The following UGT1A3 variants were observed in gnomAD, a reference collection of about 807,000 sequenced individuals.
UGT1A3 encodes UDP-glucuronosyltransferase 1A3.
UGT1A3 carries 31 observed loss-of-function variants against 41.0 expected under a neutral mutation model. That is an observed-to-expected ratio of 0.76 (90% CI 0.57 to 1.02). The LOEUF is 1.02. Ranked by LOEUF, UGT1A3 falls within the 50% of genes least tolerant of loss-of-function variation. The pLI, the probability that UGT1A3 is intolerant of heterozygous loss-of-function variation, is 0.00. For missense variants in UGT1A3, 737 were observed against 671.0 expected, an observed-to-expected ratio of 1.10 and a Z score of -1.09; for synonymous variants, 262 against 257.6, an observed-to-expected ratio of 1.02 and a Z score of -0.17.
At chr2:233,761,667 C>T (rs1186419843) in intron 1 of UGT1A3, among the ~76,000 whole-genome samples, 1 of 152,258 alleles carries the variant, frequency 6.6e-6, no homozygotes, top group African/African-American at 2.4e-5. Flanking sequence ...AATCACCAGA[C>T]AGTCAGGTTC....
At position 233,731,965 on chromosome 2, in the gene UGT1A3, A is replaced by T. The variant is rs1487707523; in HGVS notation, c.867+1972A>T. ...ACATCTGTTGTTTCCTGACTTTTTA[A>T]TGGTCACCATTCTAACTGGCGTGAG... On this transcript the variant is annotated intron_variant, in intron 1 of 4. Coordinates refer to ENST00000482026, the MANE Select transcript of UGT1A3 (RefSeq NM_019093.4). 2.6e-5 allele frequency among the ~76,000 whole-genome samples: 4 copies of T among 152,240 alleles called. No individual in the cohort carries two copies. The East Asian group carries it at 7.7e-4, about 29-fold the overall frequency.
chr2:233,735,651 G>A (rs1291646517), intron 1 of UGT1A3, among the ~76,000 whole-genome samples: 3 of 152,276 alleles, frequency 2.0e-5, no homozygotes, highest in Admixed American at 6.5e-5. Context: ...GCTGGTACTG[G>A]TGTTTCTTTC....
chr2:233,761,370 T>C (rs1346260530), intron 1 of UGT1A3, among the ~76,000 whole-genome samples: 1 of 152,186 alleles, frequency 6.6e-6, no homozygotes, highest in Non-Finnish European at 1.5e-5. Flanking sequence ...TCCTTGGACA[T>C]TTTACTCTGT....
intron 1 of UGT1A3, among the ~76,000 whole-genome samples, chr2:233,762,910 G>A (rs1185953158): frequency 1.3e-5 from 2 of 152,074 alleles, no homozygotes; most frequent in Non-Finnish European, 2.9e-5. Flanking sequence ...CAGGGCTATT[G>A]AATTTATTAG....
At chr2:233,749,855 C>G (rs1694286489) in intron 1 of UGT1A3, among the ~76,000 whole-genome samples, 1 of 151,986 alleles carries the variant, frequency 6.6e-6, no homozygotes, top group Non-Finnish European at 1.5e-5. Flanking sequence ...GCCTCTCTCT[C>G]ACTTTCTGCC....
rs190427553 is a variant in UGT1A3 at position 233,772,475 on chromosome 2, C to A, written c.1521C>A (p.Thr507=). 148 of 1,614,134 alleles carry A rather than the reference C, an allele frequency of 9.2e-5. No homozygotes were observed. Among genetic ancestry groups the A allele is most frequent in the Non-Finnish European group, 1.2e-4 (140 of 1,180,034 alleles). ...LAVVLTVAFI[T]FKCCAYGYRK... is the part of the protein sequence containing the mutation. ...TCGTGCTGACAGTGGCCTTCATCAC[C>A]TTTAAATGTTGTGCTTATGGCTACC... The change falls in exon 5 of 5, where the codon ACC becomes ACA. Residue 507 remains threonine, a synonymous_variant. Coordinates refer to ENST00000482026, the MANE Select transcript of UGT1A3 (RefSeq NM_019093.4).
intron 1 of UGT1A3, among the ~76,000 whole-genome samples, chr2:233,731,462 C>A (rs1354411631): frequency 6.6e-6 from 1 of 152,008 alleles, no homozygotes; most frequent in Non-Finnish European, 1.5e-5. Flanking sequence ...CAGGCCCTGG[C>A]GTGTGATGTT....
chr2:233,743,638 G>C (rs767583424), intron 1 of UGT1A3: 1 of 1,367,318 alleles, frequency 7.3e-7, no homozygotes, highest in East Asian at 4.5e-5. Context: ...CTGGGTCGCG[G>C]AAGCTGAAGA....
chr2:233,739,435 C>A (rs1691098956), intron 1 of UGT1A3, among the ~76,000 whole-genome samples: 1 of 152,206 alleles, frequency 6.6e-6, no homozygotes, highest in Admixed American at 6.5e-5. Flanking sequence ...GAGGGCTTTA[C>A]CCTGCAAAGC....
intron 1 of UGT1A3, chr2:233,753,490 A>G (rs1695218587): frequency 6.6e-6 from 1 of 152,190 alleles, no homozygotes. Flanking sequence ...GCTGCTCTTA[A>G]TTTTTTTCAG....
intron 1 of UGT1A3, among the ~76,000 whole-genome samples, chr2:233,753,816 G>A (rs1559398295): frequency 6.6e-6 from 1 of 152,164 alleles, no homozygotes; most frequent in Non-Finnish European, 1.5e-5. Flanking sequence ...GGAGAACCAC[G>A]TTAGGGCTGA....
intron 1 of UGT1A3, among the ~76,000 whole-genome samples, chr2:233,737,707 C>T (rs1200487929): frequency 6.6e-6 from 1 of 152,126 alleles, no homozygotes; most frequent in Non-Finnish European, 1.5e-5. Flanking sequence ...TTCCGTTCTC[C>T]TCTCCAACAC....
At position 233,743,803 on chromosome 2, in the gene UGT1A3, G is replaced by T. The variant is rs568702968; in HGVS notation, c.867+13810G>T. 2.2e-6 allele frequency: 3 copies of T among 1,367,298 alleles called. No homozygotes were observed. In the South Asian group the frequency reaches 3.4e-5, roughly 16 times the overall value. The allele number at this position is 1,367,298 out of a possible 1,614,324, so 84.7% of individuals were successfully genotyped here. A position where few individuals can be genotyped will look rare whatever the true frequency, so the allele number is the denominator to read the frequency against. On this transcript the variant is annotated intron_variant, in intron 1 of 4. Coordinates refer to ENST00000482026, the MANE Select transcript of UGT1A3 (RefSeq NM_019093.4). ...TGAATCTCCTCTCCGCTTCCTCCTT[G>T]TTCTCAGGGTTTTTGTCGGGGTGCC...
At chr2:233,760,151 C>T (rs1697328839) in intron 1 of UGT1A3, 1 of 1,476,036 alleles carries the variant, frequency 6.8e-7, no homozygotes, top group South Asian at 1.3e-5. Flanking sequence ...AAGTGAACTC[C>T]CTGCTACCTT....
At chr2:233,766,252 CGCT>C (rs1699078846) in intron 1 of UGT1A3, among the ~76,000 whole-genome samples, 1 of 151,626 alleles carries the variant, frequency 6.6e-6, no homozygotes, top group Non-Finnish European at 1.5e-5. Flanking sequence ...GGAGTCAGAC[CGCT>C]CAGTGGCCCG....
chr2:233,763,185 T>A (rs137981544), intron 1 of UGT1A3, among the ~76,000 whole-genome samples: 97 of 152,380 alleles, frequency 6.4e-4, no homozygotes, highest in African/African-American at 2.1e-3. Flanking sequence ...ATATTTGTTG[T>A]TGCCTTGTTT....
At chr2:233,767,675 CA>C (rs1699446425) in intron 2 of UGT1A3, among the ~76,000 whole-genome samples, 173 bp from the exon 3 acceptor site, 1 of 152,180 alleles carries the variant, frequency 6.6e-6, no homozygotes, top group Non-Finnish European at 1.5e-5. Flanking sequence ...ACTAAACCTC[CA>C]AAACAAGATG....
At chr2:233,761,217 A>G (rs1266306783) in intron 1 of UGT1A3, 2 of 1,613,598 alleles carry the variant, frequency 1.2e-6, no homozygotes, top group Non-Finnish European at 1.7e-6. Flanking sequence ...GGATCGATTA[A>G]CTAGCCCCAG....
Position 233,729,550 on chromosome 2 carries a change from A to C in UGT1A3, c.424A>C (p.Asn142His), listed in dbSNP as rs780321158. Residue 142 changes from asparagine (N) to histidine (H), a missense_variant, in exon 1 of 5, where the codon AAT becomes CAT. Asn to His is a moderately conservative substitution (Grantham distance 68). Transcript: ENST00000482026. ...TAATGAGGCCCTGATCAGGCACCTG[A>C]ATGCTACTTCCTTTGATGTGGTTTT... ...LHNEALIRHL[N>H]ATSFDVVLTD... 8 of 1,614,098 alleles carry C rather than the reference A, an allele frequency of 5.0e-6. No homozygotes were observed. Among genetic ancestry groups the C allele is most frequent in the African/African-American group, 1.3e-5 (1 of 75,014 alleles).
Sources: allele counts gnomAD v4.1 joint callset (sites outside exome capture counted in the v4.1 genomes callset), GRCh38; gene constraint gnomAD v4.1.1; transcripts MANE v1.5; gene names NCBI Gene and HGNC (gene_info 2026-07-23, HGNC 2026-07-21).